CYRIB: variants seen among roughly 807,000 people sequenced by gnomAD.
CYRIB encodes CYFIP related Rac1 interactor B, also known as CYFIP-related Rac1 interactor B.
CYRIB carries 8 observed loss-of-function variants against 44.2 expected under a neutral mutation model. The ratio of observed to expected loss-of-function variants is 0.18; its 90% confidence interval spans 0.11 to 0.33. The LOEUF is 0.33. Among genes scored for constraint, CYRIB ranks in the 10% least tolerant of loss-of-function variants. CYRIB has a pLI of 1.00. For missense variants in CYRIB, 185 were observed against 382.8 expected, an observed-to-expected ratio of 0.48 and a Z score of 4.31; for synonymous variants, 131 against 127.2, an observed-to-expected ratio of 1.03 and a Z score of -0.20.
chr8:130,005,173 C>G (rs2097020753), intron 1 of CYRIB, among the ~76,000 whole-genome samples: 1 of 151,932 alleles, frequency 6.6e-6, no homozygotes, highest in Non-Finnish European at 1.5e-5. Context: ...TGAACTTCAC[C>G]ATGAAGATGT....
At chr8:129,855,697 G>A in exon 6 of CYRIB, 1 of 1,613,910 alleles carries the variant, frequency 6.2e-7, no homozygotes, top group Non-Finnish European at 8.5e-7. Context: ...TGCTGGGTGG[G>A]AGAATATGGG....
intron 11 of CYRIB, among the ~76,000 whole-genome samples, chr8:129,845,635 C>T (rs945935802): frequency 6.6e-6 from 1 of 152,108 alleles, no homozygotes; most frequent in African/African-American, 2.4e-5. Context: ...TTTTCATAAT[C>T]TTAATAAAAT....
intron 1 of CYRIB, among the ~76,000 whole-genome samples, chr8:130,011,938 C>A (rs540653269): frequency 6.6e-6 from 1 of 152,088 alleles, no homozygotes. Flanking sequence ...CCCATGTCCA[C>A]GTTCAGAAAG....
chr8:129,965,513 C>G (rs948176088), intron 2 of CYRIB, among the ~76,000 whole-genome samples: 2 of 152,010 alleles, frequency 1.3e-5, no homozygotes, highest in East Asian at 3.9e-4. Flanking sequence ...AATATACATT[C>G]AGGCCGGGCG....
In CYRIB at chr8:130,016,356, G is replaced by A. The variant is rs2097345907; in HGVS notation, c.-296+14C>T. On this transcript the variant is annotated intron_variant, in intron 1 of 14. Coordinates refer to the CYRIB transcript ENST00000401979. ...CCGGCCGGGCGGCGGCGCCTTCAGA[G>A]CCCCGGCACGTACCTGGCGGCCCGG... The A allele has an allele frequency of 6.7e-6, 1 of 148,324 alleles. No individual in the cohort carries two copies. Among genetic ancestry groups the A allele is most frequent in the Non-Finnish European group, 1.5e-5 (1 of 66,666 alleles). The allele number at this position is 148,324 out of a possible 1,614,324, so 9.2% of individuals were successfully genotyped here.
rs188944871 is a variant in CYRIB, at chr8:129,869,037, A to C, written c.195+2338T>G. On this transcript the variant is annotated intron_variant, in intron 4 of 11. Transcript: ENST00000519824. ...ACAGAGCGAAACCCCATTAAAAAAA[A>C]GCCTAAGAGTTCTATATTTAAAAAA... is the stretch of plus-strand genomic sequence containing the variant. 4.6e-4 allele frequency among the ~76,000 whole-genome samples: 68 copies of C among 148,618 alleles called. No homozygotes were observed. In the South Asian group the frequency reaches 0.01, roughly 22 times the overall value.
chr8:129,845,380 C>T (rs2039294978), intron 11 of CYRIB, among the ~76,000 whole-genome samples: 1 of 152,102 alleles, frequency 6.6e-6, no homozygotes, highest in Non-Finnish European at 1.5e-5. Flanking sequence ...CAGAAAGAAA[C>T]CAAGGAGGAA....
chr8:129,884,618 A>G (rs563296237), intron 2 of CYRIB, among the ~76,000 whole-genome samples: 1 of 152,264 alleles, frequency 6.6e-6, no homozygotes, highest in East Asian at 1.9e-4. Flanking sequence ...GACCCAAAAC[A>G]CTATTGATAT....
chr8:129,900,158 A>C (rs1172393614), intron 2 of CYRIB, among the ~76,000 whole-genome samples: 1 of 152,144 alleles, frequency 6.6e-6, no homozygotes, highest in Non-Finnish European at 1.5e-5. Context: ...GGAAATAAAG[A>C]CTAGAGCAAC....
chr8:129,932,015 T>C (rs2091610590), intron 1 of CYRIB, among the ~76,000 whole-genome samples: 2 of 149,980 alleles, frequency 1.3e-5, no homozygotes, highest in African/African-American at 4.9e-5. Flanking sequence ...TTTTTTTTTT[T>C]GAGATGGAGT....
chr8:130,009,392 C>G (rs535808686), intron 1 of CYRIB, among the ~76,000 whole-genome samples: 1 of 151,978 alleles, frequency 6.6e-6, no homozygotes, highest in Non-Finnish European at 1.5e-5. Flanking sequence ...CTCAGCCTCC[C>G]GAGTAGCTGG....
chr8:129,893,499 T>C (rs2135089624), intron 2 of CYRIB, among the ~76,000 whole-genome samples: 1 of 152,354 alleles, frequency 6.6e-6, no homozygotes, highest in South Asian at 2.1e-4. Context: ...TCTTGTTTGC[T>C]ATTTATTTAA....
At chr8:129,998,911 T>TGA (rs2096843784) in intron 1 of CYRIB, among the ~76,000 whole-genome samples, 1 of 152,154 alleles carries the variant, frequency 6.6e-6, no homozygotes, top group African/African-American at 2.4e-5. Context: ...TTCTCCTTCT[T>TGA]CTTTTTTTGA....
intron 1 of CYRIB, among the ~76,000 whole-genome samples, chr8:130,000,367 T>A (rs1295167098): frequency 6.6e-6 from 1 of 152,162 alleles, no homozygotes; most frequent in Admixed American, 6.5e-5. Flanking sequence ...ATCAAAATGA[T>A]AAATCCTGGG....
intron 11 of CYRIB, 128 bp downstream of exon 13, chr8:129,846,676 T>C (rs1336667176): frequency 7.9e-6 from 5 of 630,214 alleles, no homozygotes; most frequent in African/African-American, 3.9e-5. Flanking sequence ...CAAAATAAGA[T>C]CTTCATATTT....
At chr8:129,956,904 C>T (rs982644931) in intron 2 of CYRIB, among the ~76,000 whole-genome samples, 4 of 140,222 alleles carry the variant, frequency 2.9e-5, no homozygotes, top group Non-Finnish European at 4.6e-5. Flanking sequence ...AGTAGCATGA[C>T]CATGGTTCAC....
At position 129,880,287 on chromosome 8, in the gene CYRIB, A is replaced by C. The variant is rs566081857; in HGVS notation, c.-10-816T>G. 1.6e-5 allele frequency: 11 copies of C among 667,220 alleles called. No homozygotes were observed. The South Asian group carries it at 7.4e-4, about 45-fold the overall frequency. The allele number at this position is 667,220 out of a possible 1,614,324, so 41.3% of individuals were successfully genotyped here. On this transcript the variant is annotated intron_variant, in intron 2 of 11. Transcript: ENST00000519824. ...TTTGATTCCCATGTTTAATTAACAA[A>C]TATTCTGGCTGGCCTTCACTGTGGT...
At chr8:130,016,595 A>T (rs984046280), upstream of CYRIB, 10 of 150,138 alleles carry the variant, frequency 6.7e-5, no homozygotes, top group Non-Finnish European at 1.2e-4. Flanking sequence ...AGGAAGAGGA[A>T]GCGCTGTTTA....
At chr8:129,991,943 CAAAAAAAAAAAAAAA>C (rs35897320) in intron 1 of CYRIB, among the ~76,000 whole-genome samples, 481 of 19,210 alleles carry the variant, frequency 0.025, 14 homozygotes, top group African/African-American at 0.086. Flanking sequence ...AGCAGAGTCG[CAAAAAAAAAAAAAAA>C]AAAAAAAAAA....
Sources: gnomAD v4.1 joint callset for allele counts (sites outside exome capture counted in the v4.1 genomes callset) on GRCh38, gnomAD v4.1.1 for gene constraint, MANE v1.5 for transcripts, NCBI Gene and HGNC (gene_info 2026-07-23, HGNC 2026-07-21) for gene names.